MAGI3: variants seen among roughly 807,000 people sequenced by gnomAD.
The protein encoded by MAGI3 is membrane-associated guanylate kinase, WW and PDZ domain-containing protein 3.
MAGI3 carries 43 observed loss-of-function variants against 121.8 expected under a neutral mutation model. That is an observed-to-expected ratio of 0.35 (90% CI 0.28 to 0.46). The LOEUF (loss-of-function observed/expected upper bound fraction) is 0.46. MAGI3 is among the 20% of genes least tolerant of loss of function. The pLI is 1.00. For missense variants in MAGI3, 1,547 were observed against 1,797.3 expected (o/e 0.86, Z 2.52); for synonymous variants, 553 against 639.3 (o/e 0.86, Z 2.04).
chr1:113,391,090 C>A lies in MAGI3; in HGVS notation c.57C>A (p.Ala19=). 6.3e-7 allele frequency: 1 copy of A among 1,589,042 alleles called. No homozygotes were observed. The highest frequency in any genetic ancestry group is 8.6e-7 in the Non-Finnish European group (1 of 1,168,534). ...GGCTCAGCAAGGTGCAGGAGTGCGCCGTGTCCTGGGCCGGGCCCCCGGGCG... is the reference window on the plus strand; with the variant it reads ...GGCTCAGCAAGGTGCAGGAGTGCGCAGTGTCCTGGGCCGGGCCCCCGGGCG... ...KHWLSKVQEC[A]VSWAGPPGDF... Residue 19 remains alanine, a synonymous_variant, in exon 1 of 21, where the codon GCC becomes GCA. Coordinates refer to ENST00000307546, the MANE Select transcript of MAGI3 (RefSeq NM_001142782.2). This position sits in a 1 kb window ranked among gnomAD's most constrained non-coding sequence, Gnocchi z 4.4.
At chr1:113,397,085 G>A (rs897859954) in intron 1 of MAGI3, among the ~76,000 whole-genome samples, 2 of 152,148 alleles carry the variant, frequency 1.3e-5, no homozygotes, top group Non-Finnish European at 1.5e-5. Context: ...ATATTGTACT[G>A]TTTGTAGGAT....
chr1:113,416,849 C>T (rs373304767), intron 1 of MAGI3, among the ~76,000 whole-genome samples: 10 of 151,652 alleles, frequency 6.6e-5, no homozygotes, highest in African/African-American at 2.2e-4. Flanking sequence ...CAAATAAAAA[C>T]GACAAAGTTG....
At chr1:113,478,897 C>T (rs1655982345) in intron 1 of MAGI3, among the ~76,000 whole-genome samples, 1 of 152,230 alleles carries the variant, frequency 6.6e-6, no homozygotes. Flanking sequence ...CTGTGGTGGG[C>T]TTCACCTAGT....
At chr1:113,574,246 C>T (rs1324904420) in intron 2 of MAGI3, among the ~76,000 whole-genome samples, 1 of 152,116 alleles carries the variant, frequency 6.6e-6, no homozygotes, top group Non-Finnish European at 1.5e-5. Context: ...ATGATGCTAG[C>T]TGGTTATTTT....
chr1:113,621,449 G>A (rs977933521), intron 8 of MAGI3, among the ~76,000 whole-genome samples: 1 of 151,972 alleles, frequency 6.6e-6, no homozygotes, highest in Non-Finnish European at 1.5e-5. Context: ...AGAATGAAGA[G>A]GGTATGGGAG....
At chr1:113,593,406 G>A (rs1648811628) in intron 5 of MAGI3, among the ~76,000 whole-genome samples, 1 of 152,014 alleles carries the variant, frequency 6.6e-6, no homozygotes, top group Non-Finnish European at 1.5e-5. Context: ...TGTTAGGCAT[G>A]GTGGCACACG....
chr1:113,461,222 G>GA (rs958260934), intron 1 of MAGI3, among the ~76,000 whole-genome samples: 5 of 152,110 alleles, frequency 3.3e-5, no homozygotes, highest in Admixed American at 1.3e-4. Context: ...CACAGAACTA[G>GA]AAAAAACTAG....
intron 2 of MAGI3, among the ~76,000 whole-genome samples, chr1:113,571,628 C>G (rs912850640): frequency 3.3e-5 from 5 of 152,026 alleles, no homozygotes; most frequent in Non-Finnish European, 5.9e-5. Context: ...AGTTGGATTC[C>G]TAGGTATTTT....
chr1:113,412,626 A>T lies in MAGI3; in HGVS notation c.316+21277A>T, dbSNP rs561424570. On this transcript the variant is annotated intron_variant, in intron 1 of 20. Transcript: ENST00000307546. ...ATTTGCATTTCTCTGATGACCAGTGATGATGAGCATTTTTTCATGTGTCTC... is the reference window on the plus strand; with the variant it reads ...ATTTGCATTTCTCTGATGACCAGTGTTGATGAGCATTTTTTCATGTGTCTC... Among the ~76,000 whole-genome samples, 8 of 152,290 alleles carry T rather than the reference A, an allele frequency of 5.3e-5. No homozygotes were observed. The South Asian group carries it at 1.7e-3, about 32-fold the overall frequency.
intron 1 of MAGI3, among the ~76,000 whole-genome samples, chr1:113,455,513 A>G (rs377434787): frequency 2.6e-5 from 4 of 152,042 alleles, no homozygotes; most frequent in African/African-American, 9.7e-5. Flanking sequence ...CAGGCCTTGC[A>G]TTCTTTTCCC....
At chr1:113,597,065 C>G (rs747715383) in intron 6 of MAGI3, among the ~76,000 whole-genome samples, 1 of 152,142 alleles carries the variant, frequency 6.6e-6, no homozygotes, top group African/African-American at 2.4e-5. Flanking sequence ...AAAGTGGAAA[C>G]CACCCAACTG....
At chr1:113,560,610 CT>C (rs1392331134) in intron 2 of MAGI3, among the ~76,000 whole-genome samples, 7 of 152,026 alleles carry the variant, frequency 4.6e-5, no homozygotes, top group African/African-American at 1.4e-4. Flanking sequence ...TGAGATACAG[CT>C]AAAGCAGTGT....
rs1221159174 is a variant in MAGI3 at position 113,632,057 on chromosome 1, C to T, written c.1360+9063C>T. Among the ~76,000 whole-genome samples the T allele has an allele frequency of 2.0e-5, 3 of 152,084 alleles. No individual in the cohort carries two copies. In the East Asian group the frequency reaches 5.8e-4, roughly 29 times the overall value. On this transcript the variant is annotated intron_variant, in intron 9 of 20. Transcript: ENST00000307546. ...TTTCACATACCGTGAAAATATGGAC[C>T]AACATTCAGATGGTTGAATTGTCAT... is the stretch of plus-strand genomic sequence containing the variant.
Position 113,391,452 on chromosome 1 carries a change from A to C in MAGI3, c.316+103A>C. 1 of 1,297,000 alleles carries C rather than the reference A, an allele frequency of 7.7e-7. No homozygotes were observed. Among genetic ancestry groups the C allele is most frequent in the South Asian group, 1.4e-5 (1 of 73,650 alleles). 80.3% of individuals were successfully genotyped at this position (1,297,000 alleles called of 1,614,324 possible). ...CTCCCCACCGCGTATTGTCCCGGGTAATCTTAGACCTCTAGGGTGTGCCAG... is the reference window on the plus strand; with the variant it reads ...CTCCCCACCGCGTATTGTCCCGGGTCATCTTAGACCTCTAGGGTGTGCCAG... On this transcript the variant is annotated intron_variant, in intron 1 of 20. Coordinates refer to ENST00000307546, the MANE Select transcript of MAGI3 (RefSeq NM_001142782.2). This position sits in a 1 kb window ranked among gnomAD's most constrained non-coding sequence, Gnocchi z 4.4.
At chr1:113,640,989 CTATA>C (rs1255296086) in intron 9 of MAGI3, among the ~76,000 whole-genome samples, 2 of 93,878 alleles carry the variant, frequency 2.1e-5, no homozygotes, top group South Asian at 3.1e-4. Context: ...TATATATACA[CTATA>C]TATGATATAT....
At chr1:113,675,833 A>G (rs1002684492) in intron 19 of MAGI3, among the ~76,000 whole-genome samples, 54 of 152,230 alleles carry the variant, frequency 3.5e-4, no homozygotes, top group Admixed American at 2.6e-4. Context: ...TCATATCGTG[A>G]CAAGAACATG....
At chr1:113,642,631 G>T in intron 10 of MAGI3, 115 bp downstream of exon 10, 1 of 1,172,432 alleles carries the variant, frequency 8.5e-7, no homozygotes, top group South Asian at 1.6e-5. Flanking sequence ...AGTAATTAGT[G>T]TGCATTTTCC....
At chr1:113,573,491 G>T (rs760857134) in intron 2 of MAGI3, among the ~76,000 whole-genome samples, 1 of 152,120 alleles carries the variant, frequency 6.6e-6, no homozygotes, top group African/African-American at 2.4e-5. Context: ...CAGTTTCTAA[G>T]TAGTTGTGCA....
intron 2 of MAGI3, among the ~76,000 whole-genome samples, chr1:113,580,267 AG>A (rs1206460501): frequency 6.6e-6 from 1 of 152,168 alleles, no homozygotes; most frequent in Non-Finnish European, 1.5e-5. Flanking sequence ...GACTCTAGTA[AG>A]TAGAATGTTT....
Sources: allele counts gnomAD v4.1 joint callset (sites outside exome capture counted in the v4.1 genomes callset), GRCh38; gene constraint gnomAD v4.1.1; non-coding constraint Gnocchi (gnomAD v3.1); transcripts MANE v1.5; gene names NCBI Gene and HGNC (gene_info 2026-07-23, HGNC 2026-07-21).